Variants in TRPM2 observed in about 807,000 individuals in gnomAD.
TRPM2 encodes estrogen-responsive element-associated gene 1 protein.
A neutral mutation model predicts 174.0 loss-of-function variants in TRPM2; 161 were observed. The observed-to-expected ratio is 0.93, with a 90% CI of 0.81 to 1.05. The LOEUF is 1.05. TRPM2 is among the 50% of genes least tolerant of loss of function. TRPM2 has a pLI of 0.00. For missense variants in TRPM2, 2,057 were observed against 2,038.0 expected (o/e 1.01, Z -0.18); for synonymous variants, 954 against 861.3 (o/e 1.11, Z -1.88).
rs373488385 is a variant in TRPM2 at position 44,425,650 on chromosome 21, G to A, written c.3638-20G>A. The A allele has an allele frequency of 2.7e-5, 40 of 1,480,750 alleles. No individual in the cohort carries two copies. Among genetic ancestry groups the A allele is most frequent in the African/African-American group, 2.5e-4 (18 of 71,210 alleles). The allele number at this position is 1,480,750 out of a possible 1,614,324, so 91.7% of individuals were successfully genotyped here. A position where few individuals can be genotyped will look rare whatever the true frequency, so the allele number is the denominator to read the frequency against. On this transcript the variant is annotated intron_variant, in intron 24 of 31. Transcript: ENST00000397928. ...GAGCCCGGGCTCCGCCTTGCGTCAC[G>A]TCTTCCTGACTGTCCCCAGCCTCCC...
At chr21:44,422,387 A>G in intron 22 of TRPM2, 2 of 1,536,148 alleles carry the variant, frequency 1.3e-6, no homozygotes, top group Non-Finnish European at 1.7e-6. Context: ...CCACCCTCGC[A>G]TGTTTGCAAG....
At chr21:44,422,334 C>T (rs1258941369) in intron 22 of TRPM2, 4 of 1,536,176 alleles carry the variant, frequency 2.6e-6, no homozygotes, top group South Asian at 2.4e-5. Flanking sequence ...GTTCCTGCAT[C>T]TCACGGTGGT....
In TRPM2 at chr21:44,441,681, T is replaced by G. The variant is rs1028821274; in HGVS notation, c.4387-11T>G. 1 of 1,604,978 alleles carries G rather than the reference T, an allele frequency of 6.2e-7. No individual in the cohort carries two copies. The highest frequency in any genetic ancestry group is 1.3e-5 in the African/African-American group (1 of 74,864). On this transcript the variant is annotated splice_polypyrimidine_tract_variant and intron_variant, in intron 31 of 31. Coordinates refer to ENST00000397928, the MANE Select transcript of TRPM2 (RefSeq NM_003307.4). ...TGGCGGGGAGGGTCAGCTGTGCCCTTGTTCTTCCAGAACCTGCACGCCTGC... is the reference window on the plus strand; with the variant it reads ...TGGCGGGGAGGGTCAGCTGTGCCCTGGTTCTTCCAGAACCTGCACGCCTGC...
At chr21:44,398,961 G>A (rs1038992431) in intron 13 of TRPM2, among the ~76,000 whole-genome samples, 5 of 152,144 alleles carry the variant, frequency 3.3e-5, no homozygotes, top group South Asian at 2.1e-4. Context: ...AACTATAAAC[G>A]AAGTTCCTCT....
rs1231821967 is a variant in TRPM2, at chr21:44,425,784, C to A, written c.3752C>A (p.Pro1251His). Reference protein sequence around the residue: ...NARHLLYPNCPVTRFPVPNEK... With the variant: ...NARHLLYPNCHVTRFPVPNEK... ...CGGCACCTCCTCTACCCCAACTGCC[C>A]TGTCACGCGCTTCCCCGTGCCCAAC... The change falls in exon 25 of 32, where the codon CCT becomes CAT. Residue 1251 changes from proline to histidine, a missense_variant. Coordinates refer to ENST00000397928, the MANE Select transcript of TRPM2 (RefSeq NM_003307.4). 6.3e-7 allele frequency: 1 copy of A among 1,588,826 alleles called. No individual in the cohort carries two copies.
At position 44,403,457 on chromosome 21, in the gene TRPM2, A is replaced by AAC. The variant is rs372025495; in HGVS notation, c.2538+1572_2538+1573dup. Among the ~76,000 whole-genome samples, 19 of 152,156 alleles carry AAC rather than the reference A, an allele frequency of 1.2e-4. No individual in the cohort carries two copies. The South Asian group carries it at 3.5e-3, about 28-fold the overall frequency. On this transcript the variant is annotated intron_variant, in intron 16 of 31. Transcript: ENST00000397928. ...CGCCTGACATTGAGGGCGCTGCTCCAACACACACACACATGCACACACATG... is the reference window on the plus strand; with the variant it reads ...CGCCTGACATTGAGGGCGCTGCTCCAACACACACACACACATGCACACACATG...
intron 27 of TRPM2, among the ~76,000 whole-genome samples, chr21:44,434,421 G>A (rs2051154346): frequency 6.6e-6 from 1 of 151,986 alleles, no homozygotes; most frequent in Non-Finnish European, 1.5e-5. Context: ...ACGGTGGCAG[G>A]GATGCTGTCG....
intron 18 of TRPM2, among the ~76,000 whole-genome samples, 172 bp from the exon 19 acceptor site, chr21:44,406,422 C>T (rs967111973): frequency 3.9e-5 from 6 of 152,052 alleles, no homozygotes; most frequent in East Asian, 1.9e-4. Context: ...ACAAAGATGT[C>T]GGCAGTCCAC....
rs909245052 is a variant in TRPM2 at position 44,376,649 on chromosome 21, G to C, written c.952+636G>C. On this transcript the variant is annotated intron_variant, in intron 6 of 31. Transcript: ENST00000397928. This position sits in a 1 kb window ranked among gnomAD's most constrained non-coding sequence, Gnocchi z 4.2. ...TTGATACCTTTTTCCTCATAGGTGG[G>C]ATGGGATGGGTTTGAGGACGTCGGG... 1.8e-4 allele frequency among the ~76,000 whole-genome samples: 27 copies of C among 152,220 alleles called. No homozygotes were observed. Among genetic ancestry groups the C allele is most frequent in the African/African-American group, 6.5e-4 (27 of 41,458 alleles).
At position 44,382,840 on chromosome 21, in the gene TRPM2, G is replaced by T. The variant is rs749597447; in HGVS notation, c.1318+20G>T. ...TGAAAGGTGAGGGTCAGGGAACATG[G>T]GGGCAATGGGGTGGAGGCCAGAACG... is the stretch of plus-strand genomic sequence containing the variant. On this transcript the variant is annotated intron_variant, in intron 9 of 31. Transcript: ENST00000397928. 8.1e-6 allele frequency: 13 copies of T among 1,603,852 alleles called. No homozygotes were observed. In the East Asian group the frequency reaches 2.9e-4, roughly 36 times the overall value.
At chr21:44,413,684 C>T (rs367938421) in intron 19 of TRPM2, among the ~76,000 whole-genome samples, 21 of 152,162 alleles carry the variant, frequency 1.4e-4, no homozygotes, top group African/African-American at 3.6e-4. Flanking sequence ...GCTCTGCCCC[C>T]GGGGCCTCCT....
At chr21:44,362,749 G>A (rs538140293) in intron 2 of TRPM2, among the ~76,000 whole-genome samples, 1 of 152,140 alleles carries the variant, frequency 6.6e-6, no homozygotes, top group African/African-American at 2.4e-5. Context: ...CAATTAAGAA[G>A]GTCCAAACTT....
chr21:44,352,210 C>A (rs2123000194), upstream of TRPM2, among the ~76,000 whole-genome samples: 2 of 152,376 alleles, frequency 1.3e-5, no homozygotes, highest in African/African-American at 4.8e-5. Flanking sequence ...AAAGACCCCA[C>A]TGGCATGCGG....
At chr21:44,414,434 A>G (rs1055911834) in intron 20 of TRPM2, among the ~76,000 whole-genome samples, 9 of 152,172 alleles carry the variant, frequency 5.9e-5, no homozygotes, top group Non-Finnish European at 1.2e-4. Flanking sequence ...GCGCAGCATT[A>G]TTCATGGGCT....
Position 44,400,243 on chromosome 21 carries a change from C to T in TRPM2, c.2209-16C>T, listed in dbSNP as rs1406335183. Reference sequence around the variant, plus strand: ...AGGGCTGGGCACTGCCATCCTGAGACTGCCCCCATCCGCAGGCCTTCCTGA... The same window carrying T: ...AGGGCTGGGCACTGCCATCCTGAGATTGCCCCCATCCGCAGGCCTTCCTGA... On this transcript the variant is annotated splice_polypyrimidine_tract_variant and intron_variant, in intron 14 of 31. Transcript: ENST00000397928. 3 of 1,606,196 alleles carry T rather than the reference C, an allele frequency of 1.9e-6. No homozygotes were observed. The South Asian group carries it at 3.3e-5, about 18-fold the overall frequency.
chr21:44,353,437 CT>C (rs1435469649), upstream of TRPM2: 4 of 342,950 alleles, frequency 1.2e-5, no homozygotes, highest in Non-Finnish European at 1.6e-5. Flanking sequence ...TGTGCATGTA[CT>C]CCCCCAGAGT....
chr21:44,407,145 C>CCCTTCCTT, intron 19 of TRPM2, among the ~76,000 whole-genome samples: 2 of 101,848 alleles, frequency 2.0e-5, no homozygotes, highest in African/African-American at 3.9e-5. Flanking sequence ...CTCCCTTCCT[C>CCCTTCCTT]CCTTCCTTCC....
chr21:44,406,148 T>A, intron 18 of TRPM2, 111 bp downstream of exon 18: 1 of 1,380,490 alleles, frequency 7.2e-7, no homozygotes, highest in Non-Finnish European at 9.8e-7. Context: ...CACCTGTAGG[T>A]TCCCCGTCCC....
At chr21:44,441,213 A>G (rs2051492037) in intron 31 of TRPM2, among the ~76,000 whole-genome samples, 1 of 149,920 alleles carries the variant, frequency 6.7e-6, no homozygotes, top group Non-Finnish European at 1.5e-5. Context: ...GAGCCACCTC[A>G]GGTGGCCAGA....
Sources: allele counts gnomAD v4.1 joint callset (sites outside exome capture counted in the v4.1 genomes callset), GRCh38; gene constraint gnomAD v4.1.1; non-coding constraint Gnocchi (gnomAD v3.1); transcripts MANE v1.5; gene names NCBI Gene and HGNC (gene_info 2026-07-23, HGNC 2026-07-21).